The following CYB5B variants were observed in gnomAD, a reference collection of about 807,000 sequenced individuals.
CYB5B encodes the protein cytochrome b5 type B, also known as cytochrome b5 type B (outer mitochondrial membrane).
In CYB5B, 14 loss-of-function variants were observed where a neutral mutation model predicts 21.3. The observed-to-expected ratio is 0.66, with a 90% CI of 0.43 to 1.03. CYB5B has a LOEUF of 1.03. Among genes scored for constraint, CYB5B ranks in the 50% least tolerant of loss-of-function variants. The pLI, the probability that CYB5B is intolerant of heterozygous loss-of-function variation, is 0.00. For synonymous variants in CYB5B, 69 were observed against 68.4 expected (o/e 1.01, Z -0.04); for missense variants, 166 against 185.1 (o/e 0.90, Z 0.60).
intron 1 of CYB5B, among the ~76,000 whole-genome samples, chr16:69,445,672 C>T (rs978933914): frequency 6.6e-5 from 10 of 152,158 alleles, no homozygotes; most frequent in Non-Finnish European, 1.2e-4. Flanking sequence ...TTTGGTAAAA[C>T]AGTTTCAGAG....
chr16:69,427,993 C>CAA (rs71151104), intron 1 of CYB5B, among the ~76,000 whole-genome samples: 110 of 100,984 alleles, frequency 1.1e-3, no homozygotes, highest in African/African-American at 3.4e-3. Context: ...GACTCTGTCT[C>CAA]AAAAAAAAAA....
intron 1 of CYB5B, among the ~76,000 whole-genome samples, chr16:69,427,822 C>A (rs532250503): frequency 6.6e-6 from 1 of 151,834 alleles, no homozygotes; most frequent in East Asian, 1.9e-4. Flanking sequence ...GGTGAAACCT[C>A]GTCTCTACTA....
chr16:69,438,779 C>T (rs972295781), intron 1 of CYB5B, among the ~76,000 whole-genome samples: 7 of 152,128 alleles, frequency 4.6e-5, no homozygotes, highest in Admixed American at 3.3e-4. Context: ...GGAGAGAGAG[C>T]GAGAGAGCTC....
intron 1 of CYB5B, among the ~76,000 whole-genome samples, chr16:69,427,839 C>CA (rs2014664285): frequency 6.6e-6 from 1 of 151,694 alleles, no homozygotes. Flanking sequence ...ACTAAAAATA[C>CA]AAAAAAATTA....
At position 69,432,355 on chromosome 16, in the gene CYB5B, A is replaced by G. The variant is rs113659653; in HGVS notation, c.174+7498A>G. Among the ~76,000 whole-genome samples, 515 of 152,348 alleles carry G rather than the reference A, an allele frequency of 3.4e-3. 1 individual carries two copies. The highest frequency in any genetic ancestry group is 5.2e-3 in the Non-Finnish European group (351 of 68,030). ...TCACTTTCAGTATGGTATTCAATAA[A>G]TTACATGAAATAGTCAGCACTTTAT... On this transcript the variant is annotated intron_variant, in intron 1 of 4. Transcript: ENST00000307892.
chr16:69,456,278 C>A (rs1427001235), intron 3 of CYB5B, among the ~76,000 whole-genome samples: 1 of 152,086 alleles, frequency 6.6e-6, no homozygotes, highest in Non-Finnish European at 1.5e-5. Context: ...TGTTGGGATT[C>A]ACCAGATGTG....
intron 1 of CYB5B, among the ~76,000 whole-genome samples, chr16:69,427,283 C>T (rs2014657536): frequency 6.6e-6 from 1 of 152,096 alleles, no homozygotes; most frequent in African/African-American, 2.4e-5. Context: ...TTTTATTTCC[C>T]TCCATTTTTT....
intron 4 of CYB5B, 92 bp from the exon 5 acceptor site, chr16:69,462,338 C>A: frequency 9.8e-7 from 1 of 1,016,008 alleles, no homozygotes; most frequent in Non-Finnish European, 1.5e-6. Flanking sequence ...ATAAAAACTC[C>A]TTGCCTATAT....
chr16:69,445,374 C>T (rs1303495617), intron 1 of CYB5B, among the ~76,000 whole-genome samples: 2 of 152,156 alleles, frequency 1.3e-5, no homozygotes, highest in African/African-American at 4.8e-5. Flanking sequence ...TCCTTATCCT[C>T]AGGGAGCTCA....
At chr16:69,460,021 C>T (rs1471447111) in intron 4 of CYB5B, among the ~76,000 whole-genome samples, 2 of 152,008 alleles carry the variant, frequency 1.3e-5, no homozygotes, top group African/African-American at 2.4e-5. Context: ...GAGGCTGAGG[C>T]GGGTGGATCA....
chr16:69,435,549 T>C (rs1679346142), intron 1 of CYB5B, among the ~76,000 whole-genome samples: 1 of 152,198 alleles, frequency 6.6e-6, no homozygotes, highest in Non-Finnish European at 1.5e-5. Context: ...ATTTGACTAA[T>C]AATTCCTACT....
chr16:69,449,817 G>A (rs2014914656), intron 3 of CYB5B: 1 of 152,204 alleles, frequency 6.6e-6, no homozygotes. Flanking sequence ...TGAATGATAT[G>A]CCCATCTTTT....
rs555951238 is a variant in CYB5B at position 69,431,761 on chromosome 16, C to A, written c.174+6904C>A. Among the ~76,000 whole-genome samples, 201 of 152,242 alleles carry A rather than the reference C, an allele frequency of 1.3e-3. 2 individuals carry two copies. The highest frequency in any genetic ancestry group is 4.3e-3 in the African/African-American group (180 of 41,560). On this transcript the variant is annotated intron_variant, in intron 1 of 4. Coordinates refer to ENST00000307892, the MANE Select transcript of CYB5B (RefSeq NM_030579.3). ...CACTCCAGCCTGGGTGACAGCGAGACCCTGTCTCCAAACAAACAAAACGAA... is the reference window on the plus strand; with the variant it reads ...CACTCCAGCCTGGGTGACAGCGAGAACCTGTCTCCAAACAAACAAAACGAA...
At position 69,426,699 on chromosome 16, in the gene CYB5B, C is replaced by CAAAA. The variant is rs11434223; in HGVS notation, c.174+1857_174+1860dup. ...CAGCCTGGGCGACAGAGCGAGACTCCAAAAAAAAAAAAAAAAAAGCTAGTG... is the reference window on the plus strand; with the variant it reads ...CAGCCTGGGCGACAGAGCGAGACTCCAAAAAAAAAAAAAAAAAAAAAAGCTAGTG... On this transcript the variant is annotated intron_variant, in intron 1 of 4. Transcript: ENST00000307892. Among the ~76,000 whole-genome samples, 18 of 95,576 alleles carry CAAAA rather than the reference C, an allele frequency of 1.9e-4. 1 individual carries two copies. Among genetic ancestry groups the CAAAA allele is most frequent in the African/African-American group, 4.6e-4 (11 of 23,736 alleles). 62.7% of individuals were successfully genotyped at this position (95,576 alleles called of 152,430 possible). A position where few individuals can be genotyped will look rare whatever the true frequency, so the allele number is the denominator to read the frequency against.
chr16:69,440,764 G>T (rs2014813046), intron 1 of CYB5B, among the ~76,000 whole-genome samples: 1 of 151,006 alleles, frequency 6.6e-6, no homozygotes, highest in South Asian at 2.1e-4. Context: ...GTGTGTGTGT[G>T]TGTGTAAATA....
rs1381102657 is a variant in CYB5B, at chr16:69,447,362, C to A, written c.303+84C>A. On this transcript the variant is annotated intron_variant, in intron 2 of 4. Coordinates refer to ENST00000307892, the MANE Select transcript of CYB5B (RefSeq NM_030579.3). ...ACAGGATGAAGAAATGAATTATTGG[C>A]TGGGCGTGGTGGCTCACACCTGTCA... 3.9e-6 allele frequency: 6 copies of A among 1,531,676 alleles called. No homozygotes were observed. In the East Asian group the frequency reaches 1.4e-4, roughly 35 times the overall value. The allele number at this position is 1,531,676 out of a possible 1,614,324, so 94.9% of individuals were successfully genotyped here.
intron 3 of CYB5B, among the ~76,000 whole-genome samples, chr16:69,454,723 T>C (rs537405480): frequency 6.6e-6 from 1 of 152,338 alleles, no homozygotes; most frequent in Admixed American, 6.5e-5. Context: ...TCCTGTGGCT[T>C]AAAATCTACT....
chr16:69,455,822 C>T (rs1010921926), intron 3 of CYB5B, among the ~76,000 whole-genome samples: 3 of 152,188 alleles, frequency 2.0e-5, no homozygotes, highest in Non-Finnish European at 4.4e-5. Context: ...AATCTACTTA[C>T]GGTAGTGCTT....
chr16:69,443,961 G>A (rs954800044), intron 1 of CYB5B: 4 of 152,656 alleles, frequency 2.6e-5, no homozygotes, highest in African/African-American at 9.6e-5. Flanking sequence ...CCATTCACAA[G>A]TAAGAATCAT....
Sources: gnomAD v4.1 joint callset for allele counts (sites outside exome capture counted in the v4.1 genomes callset) on GRCh38, gnomAD v4.1.1 for gene constraint, MANE v1.5 for transcripts, NCBI Gene and HGNC (gene_info 2026-07-23, HGNC 2026-07-21) for gene names.